Variants in LRP1B observed in about 807,000 individuals in gnomAD.
LRP1B encodes low-density lipoprotein receptor-related protein 1B.
A neutral mutation model predicts 556.6 loss-of-function variants in LRP1B; 217 were observed. That is an observed-to-expected ratio of 0.39 (90% CI 0.35 to 0.44). The LOEUF (loss-of-function observed/expected upper bound fraction) is 0.44, where lower values mean the gene tolerates loss of function less well. LRP1B is among the 20% of genes least tolerant of loss of function. LRP1B has a pLI of 1.00. For missense variants in LRP1B, 5,053 were observed against 5,620.8 expected (o/e 0.90, Z 3.23); for synonymous variants, 2,047 against 1,865.8 (o/e 1.10, Z -2.50).
intron 83 of LRP1B, among the ~76,000 whole-genome samples, chr2:140,305,630 T>A (rs965591640): frequency 2.0e-5 from 3 of 152,146 alleles, no homozygotes; most frequent in Non-Finnish European, 4.4e-5. Context: ...TTTTCCTAAT[T>A]GAATACCCTT....
intron 41 of LRP1B, among the ~76,000 whole-genome samples, chr2:140,629,921 C>A (rs1279396403): frequency 6.6e-6 from 1 of 152,000 alleles, no homozygotes; most frequent in Admixed American, 6.6e-5. Flanking sequence ...GCAATCAAAC[C>A]CAAAATAATG....
intron 2 of LRP1B, among the ~76,000 whole-genome samples, chr2:141,529,663 T>C (rs1157458887): frequency 6.6e-6 from 1 of 152,128 alleles, no homozygotes; most frequent in African/African-American, 2.4e-5. Context: ...CATTCTATTT[T>C]ACATTGCAAA....
intron 6 of LRP1B, among the ~76,000 whole-genome samples, chr2:141,195,687 A>T (rs533171353): frequency 2.8e-4 from 42 of 152,188 alleles, no homozygotes; most frequent in African/African-American, 9.9e-4. Context: ...AAATGCTCAT[A>T]AATGAACCCT....
rs1205318121 is a variant in LRP1B at position 141,061,224 on chromosome 2, G to C, written c.1236+827C>G. ...GACAGATTAGTGCATCTCTTTATCT[G>C]TCAAGGAAGGAGAAAGGATTTCATT... On this transcript the variant is annotated intron_variant, in intron 8 of 90. Coordinates refer to ENST00000389484, the MANE Select transcript of LRP1B (RefSeq NM_018557.3). Among the ~76,000 whole-genome samples, 4 of 151,616 alleles carry C rather than the reference G, an allele frequency of 2.6e-5. 1 individual carries two copies. In the East Asian group the frequency reaches 7.8e-4, roughly 30 times the overall value.
At chr2:142,079,539 A>T (rs1056485630) in intron 1 of LRP1B, among the ~76,000 whole-genome samples, 15 of 151,256 alleles carry the variant, frequency 9.9e-5, no homozygotes, top group African/African-American at 3.4e-4. Context: ...GTGAAGTCTC[A>T]CTGTGTCGCC....
chr2:140,323,131 A>G (rs577774846), intron 81 of LRP1B, among the ~76,000 whole-genome samples: 14 of 152,180 alleles, frequency 9.2e-5, no homozygotes, highest in Non-Finnish European at 1.6e-4. Flanking sequence ...TTCATTTGCC[A>G]TAAATAGTAA....
At chr2:141,663,920 CA>C (rs796406816) in intron 2 of LRP1B, among the ~76,000 whole-genome samples, 7,196 of 113,248 alleles carry the variant, frequency 0.064, 174 homozygotes, top group South Asian at 0.1. Flanking sequence ...AGAGATACAT[CA>C]AAAAAAAAAA....
intron 2 of LRP1B, among the ~76,000 whole-genome samples, chr2:141,695,668 C>T (rs1021543766): frequency 1.3e-5 from 2 of 151,858 alleles, no homozygotes; most frequent in African/African-American, 4.8e-5. Flanking sequence ...ATTATCCTCA[C>T]CACAAAAACA....
chr2:141,948,290 C>T (rs2105028603), intron 1 of LRP1B, among the ~76,000 whole-genome samples: 1 of 151,734 alleles, frequency 6.6e-6, no homozygotes, highest in South Asian at 2.1e-4. Context: ...CAGAGAAAGA[C>T]TCCATTTTAA....
intron 18 of LRP1B, among the ~76,000 whole-genome samples, chr2:140,971,371 G>A (rs1696418325): frequency 6.6e-6 from 1 of 152,160 alleles, no homozygotes; most frequent in African/African-American, 2.4e-5. Flanking sequence ...AGCTTTTGGA[G>A]GAAGCCCTGT....
chr2:140,410,737 A>G (rs1684938610), intron 66 of LRP1B, among the ~76,000 whole-genome samples: 1 of 152,192 alleles, frequency 6.6e-6, no homozygotes, highest in African/African-American at 2.4e-5. Flanking sequence ...TAAATGCATT[A>G]CTACAAACAG....
chr2:140,789,569 C>T (rs1690033158), intron 32 of LRP1B, among the ~76,000 whole-genome samples: 1 of 149,340 alleles, frequency 6.7e-6, no homozygotes, highest in African/African-American at 2.5e-5. Flanking sequence ...GCTCCTGTCA[C>T]TCTAGCTATA....
intron 59 of LRP1B, 63 bp from the exon 60 acceptor site, chr2:140,475,400 T>C (rs1687932113): frequency 1.6e-6 from 2 of 1,266,850 alleles, no homozygotes; most frequent in Non-Finnish European, 2.2e-6. Flanking sequence ...CAACAAACAA[T>C]ATATTACTTT....
intron 2 of LRP1B, among the ~76,000 whole-genome samples, chr2:141,607,209 A>G (rs149005958): frequency 0.011 from 1,657 of 152,260 alleles, 16 homozygotes; most frequent in Middle Eastern, 0.024. Context: ...CTCAAAACAG[A>G]CATAAGTGAG....
At chr2:140,868,364 A>G in intron 25 of LRP1B, 101 bp from the exon 26 acceptor site, 1 of 1,096,618 alleles carries the variant, frequency 9.1e-7, no homozygotes, top group African/African-American at 1.6e-5. Context: ...TGGATAGGTG[A>G]TAAGTCACAA....
intron 3 of LRP1B, among the ~76,000 whole-genome samples, chr2:141,395,627 T>G (rs1406869227): frequency 6.6e-6 from 1 of 152,154 alleles, no homozygotes; most frequent in Non-Finnish European, 1.5e-5. Flanking sequence ...TGTCATTAAT[T>G]GTGTAGTGTG....
intron 1 of LRP1B, among the ~76,000 whole-genome samples, chr2:141,911,279 A>G (rs1312212759): frequency 6.6e-6 from 1 of 152,204 alleles, no homozygotes; most frequent in Non-Finnish European, 1.5e-5. Flanking sequence ...CCACTTCTAT[A>G]ATACTGTCAA....
chr2:140,325,972 C>T (rs148968007), intron 79 of LRP1B, 94 bp from the exon 80 acceptor site: 27 of 754,694 alleles, frequency 3.6e-5, no homozygotes, highest in Admixed American at 8.6e-5. Flanking sequence ...TTACACTTGA[C>T]ATTTGTCTTC....
chr2:140,547,269 G>C (rs532829607), intron 43 of LRP1B, among the ~76,000 whole-genome samples: 1 of 152,182 alleles, frequency 6.6e-6, no homozygotes, highest in South Asian at 2.1e-4. Flanking sequence ...CTTTGGCTGT[G>C]AATCATCTGG....
Sources: allele counts gnomAD v4.1 joint callset (sites outside exome capture counted in the v4.1 genomes callset), GRCh38; gene constraint gnomAD v4.1.1; transcripts MANE v1.5; gene names NCBI Gene and HGNC (gene_info 2026-07-23, HGNC 2026-07-21).